PPM1L: variants seen among roughly 807,000 people sequenced by gnomAD.
PPM1L encodes the protein protein phosphatase 1L.
In PPM1L, 13 loss-of-function variants were observed where a neutral mutation model predicts 31.4. The ratio of observed to expected loss-of-function variants is 0.41; its 90% CI spans 0.27 to 0.66. The LOEUF is 0.66. Among genes scored for constraint, PPM1L ranks in the 30% least tolerant of loss-of-function variants. The pLI is 0.29. For synonymous variants in PPM1L, 184 were observed against 175.4 expected, an observed-to-expected ratio of 1.05 and a Z score of -0.39; for missense variants, 326 against 453.7, an observed-to-expected ratio of 0.72 and a Z score of 2.56.
At chr3:161,029,050 C>T (rs1259169208) in intron 2 of PPM1L, among the ~76,000 whole-genome samples, 1 of 152,138 alleles carries the variant, frequency 6.6e-6, no homozygotes, top group African/African-American at 2.4e-5. Flanking sequence ...CACCTCAGTT[C>T]TAGTGTCAGA....
intron 2 of PPM1L, among the ~76,000 whole-genome samples, chr3:161,044,212 G>A (rs1026021614): frequency 1.3e-5 from 2 of 151,884 alleles, no homozygotes; most frequent in African/African-American, 2.4e-5. Context: ...GCTAATTTTT[G>A]TATTTTTAGT....
At chr3:160,780,438 G>T (rs1011173973) in intron 1 of PPM1L, among the ~76,000 whole-genome samples, 11 of 152,302 alleles carry the variant, frequency 7.2e-5, no homozygotes, top group African/African-American at 2.6e-4. Flanking sequence ...ACCTGGCAAA[G>T]GCTCCATTGG....
At position 160,771,266 on chromosome 3, in the gene PPM1L, C is replaced by CT. The variant is rs199529772; in HGVS notation, c.399+14568dup. Reference sequence around the variant, plus strand: ...GGCAACTTTCCGGAACTTTTCTTTTCTTTTTTTTTGAGACAGGTCTCACTC... The same window carrying CT: ...GGCAACTTTCCGGAACTTTTCTTTTCTTTTTTTTTTGAGACAGGTCTCACTC... On this transcript the variant is annotated intron_variant, in intron 1 of 3. Transcript: ENST00000498165. 6.4e-4 allele frequency among the ~76,000 whole-genome samples: 96 copies of CT among 150,452 alleles called. No homozygotes were observed. In the East Asian group the frequency reaches 0.012, roughly 18 times the overall value.
At chr3:160,941,099 CTG>C (rs1715148227) in intron 1 of PPM1L, among the ~76,000 whole-genome samples, 1 of 152,174 alleles carries the variant, frequency 6.6e-6, no homozygotes, top group Non-Finnish European at 1.5e-5. Flanking sequence ...TGCATGGACT[CTG>C]TAACCCCTTT....
intron 2 of PPM1L, chr3:161,036,165 T>C (rs1317043483): frequency 6.6e-6 from 1 of 152,236 alleles, no homozygotes; most frequent in African/African-American, 2.4e-5. Context: ...ATCCTCTTCA[T>C]ATGGTATAAT....
rs113273287 is a variant in PPM1L at position 160,756,752 on chromosome 3, C to CGTGTGTGTGTGTGTGTGTGTGT, written c.399+62_399+83dup. 2.0e-5 allele frequency: 20 copies of CGTGTGTGTGTGTGTGTGTGTGT among 1,016,696 alleles called. No homozygotes were observed. The highest frequency in any genetic ancestry group is 1.4e-4 in the Admixed American group (6 of 42,726). 63.0% of individuals were successfully genotyped at this position (1,016,696 alleles called of 1,614,324 possible). On this transcript the variant is annotated intron_variant, in intron 1 of 3. Transcript: ENST00000498165. This position sits in a 1 kb window ranked among gnomAD's most constrained non-coding sequence, Gnocchi z 6.2. ...TTTGTATTTGTGTCCGTGTATGTCT[C>CGTGTGTGTGTGTGTGTGTGTGT]GTGTGTGTGTGTGTGTGTGTGTGTG...
chr3:160,841,112 G>A (rs900944588), intron 1 of PPM1L, among the ~76,000 whole-genome samples: 9 of 152,222 alleles, frequency 5.9e-5, no homozygotes, highest in African/African-American at 2.2e-4. Flanking sequence ...TTAGTAATCT[G>A]GGGTTGGGAA....
chr3:161,054,403 G>A (rs1035921275), intron 2 of PPM1L, among the ~76,000 whole-genome samples: 4 of 151,926 alleles, frequency 2.6e-5, no homozygotes, highest in African/African-American at 9.7e-5. Context: ...CAGTGGGTAC[G>A]GGATAAAGCC....
chr3:160,856,810 T>TAA (rs376531936), intron 1 of PPM1L, among the ~76,000 whole-genome samples: 1 of 141,938 alleles, frequency 7.0e-6, no homozygotes, highest in African/African-American at 2.6e-5. Context: ...CAATAAAAGC[T>TAA]AAAAAAAAAA....
At chr3:161,054,011 T>C (rs780671106) in intron 2 of PPM1L, among the ~76,000 whole-genome samples, 20 of 152,142 alleles carry the variant, frequency 1.3e-4, no homozygotes, top group Non-Finnish European at 2.5e-4. Context: ...TAGCACATGA[T>C]GAGGGGAAGC....
At chr3:160,827,983 ACTTTTAAACAACC>A (rs1713407177) in intron 1 of PPM1L, among the ~76,000 whole-genome samples, 1 of 151,974 alleles carries the variant, frequency 6.6e-6, no homozygotes, top group African/African-American at 2.4e-5. Context: ...GGCACCACAC[ACTTTTAAACAACC>A]AGATCTCACA....
In PPM1L at chr3:161,021,830, C is replaced by T. The variant is rs185463194; in HGVS notation, c.575-43573C>T. Among the ~76,000 whole-genome samples the T allele has an allele frequency of 2.6e-3, 400 of 152,028 alleles. 2 individuals carry two copies. The highest frequency in any genetic ancestry group is 3.8e-3 in the Non-Finnish European group (260 of 67,924). On this transcript the variant is annotated intron_variant, in intron 2 of 3. Coordinates refer to ENST00000498165, the MANE Select transcript of PPM1L (RefSeq NM_139245.4). ...TTTTTCTGATATTCGTAAAGCTACT[C>T]TAGTTCTCTTCTGGTTTTTTTTATA...
At chr3:161,055,344 T>A (rs1217160899) in intron 2 of PPM1L, among the ~76,000 whole-genome samples, 6 of 152,000 alleles carry the variant, frequency 3.9e-5, no homozygotes. Flanking sequence ...GGGTACTTTA[T>A]GTGTGTTTCA....
chr3:160,793,957 G>A (rs1202380746), intron 1 of PPM1L, among the ~76,000 whole-genome samples: 1 of 152,190 alleles, frequency 6.6e-6, no homozygotes, highest in Non-Finnish European at 1.5e-5. Context: ...TGGTTTCCAA[G>A]CCAGAAACCA....
chr3:160,962,964 T>C (rs1159864202), intron 2 of PPM1L, among the ~76,000 whole-genome samples: 1 of 141,466 alleles, frequency 7.1e-6, no homozygotes, highest in East Asian at 2.5e-4. Context: ...CTTTCTCTTA[T>C]TCTTCTTTGC....
chr3:161,013,380 T>C lies in PPM1L; in HGVS notation c.574+51470T>C, dbSNP rs191022131. ...GAGTTGTAGTTTGATTGCACTGTGA[T>C]CTGAGAGACAGTTTGTTATAATTTC... is the stretch of plus-strand genomic sequence containing the variant. On this transcript the variant is annotated intron_variant, in intron 2 of 3. Transcript: ENST00000498165. Among the ~76,000 whole-genome samples the C allele has an allele frequency of 4.0e-3, 609 of 152,362 alleles. 4 individuals carry two copies. Among genetic ancestry groups the C allele is most frequent in the African/African-American group, 0.014 (589 of 41,584 alleles).
intron 1 of PPM1L, among the ~76,000 whole-genome samples, chr3:160,934,866 C>A (rs1466863682): frequency 6.6e-6 from 1 of 151,816 alleles, no homozygotes; most frequent in Non-Finnish European, 1.5e-5. Context: ...GGCAGGAGGA[C>A]CACTTGAGTC....
intron 1 of PPM1L, among the ~76,000 whole-genome samples, chr3:160,894,149 T>C (rs757332699): frequency 3.7e-4 from 56 of 152,328 alleles, no homozygotes; most frequent in Admixed American, 5.2e-4. Context: ...GGTGCAGTTG[T>C]ATTCTAAGAC....
intron 1 of PPM1L, among the ~76,000 whole-genome samples, chr3:160,931,066 A>G (rs1714770034): frequency 6.6e-6 from 1 of 152,226 alleles, no homozygotes; most frequent in African/African-American, 2.4e-5. Context: ...GTTCAGTTAC[A>G]TGCTCTTCTA....
Sources: allele counts gnomAD v4.1 joint callset (sites outside exome capture counted in the v4.1 genomes callset), GRCh38; gene constraint gnomAD v4.1.1; non-coding constraint Gnocchi (gnomAD v3.1); transcripts MANE v1.5; gene names NCBI Gene and HGNC (gene_info 2026-07-23, HGNC 2026-07-21).